The following CTDP1 variants were observed in gnomAD, a reference collection of about 807,000 sequenced individuals.
CTDP1 encodes the protein RNA polymerase II subunit A C-terminal domain phosphatase.
A neutral mutation model predicts 91.8 loss-of-function variants in CTDP1; 47 were observed. The ratio of observed to expected loss-of-function variants is 0.51; its 90% CI spans 0.41 to 0.65. The LOEUF is 0.65. Among genes scored for constraint, CTDP1 ranks in the 30% least tolerant of loss-of-function variants. The probability of loss-of-function intolerance (pLI) is 0.00; values close to 1 mark genes in which losing one functional copy is unlikely to be tolerated. For synonymous variants in CTDP1, 656 were observed against 598.5 expected, an observed-to-expected ratio of 1.10 and a Z score of -1.40; for missense variants, 1,272 against 1,373.7, an observed-to-expected ratio of 0.93 and a Z score of 1.17.
In CTDP1 at chr18:79,715,041, G is replaced by A. The variant is rs752663253; in HGVS notation, c.1581G>A (p.Glu527=). The A allele has an allele frequency of 1.9e-6, 3 of 1,608,466 alleles. No individual in the cohort carries two copies. Among genetic ancestry groups the A allele is most frequent in the African/African-American group, 2.7e-5 (2 of 74,916 alleles). The stretch of plus-strand genomic sequence containing the variant: ...CTGGCGCGCATGCCCCGGACAAGGA[G>A]CCTGAGCTGGGTGGGCAGGAGGAGG... ...AEPGAHAPDK[E]PELGGQEEGE... Residue 527 remains glutamate, a synonymous_variant, in exon 8 of 13, where the codon GAG becomes GAA. Coordinates refer to ENST00000613122, the MANE Select transcript of CTDP1 (RefSeq NM_004715.5).
intron 1 of CTDP1, among the ~76,000 whole-genome samples, chr18:79,683,487 C>G (rs1314038291): frequency 6.6e-6 from 1 of 152,180 alleles, no homozygotes; most frequent in East Asian, 1.9e-4. Flanking sequence ...TGGGCTTGTG[C>G]TGAAAGGAGG....
chr18:79,706,217 C>T (rs542325875), intron 5 of CTDP1, among the ~76,000 whole-genome samples: 25 of 152,300 alleles, frequency 1.6e-4, no homozygotes, highest in Non-Finnish European at 3.2e-4. Context: ...CGTGGTCGGA[C>T]GCCGGCCTCC....
chr18:79,724,761 C>T (rs1011647649), intron 10 of CTDP1, among the ~76,000 whole-genome samples: 1 of 152,232 alleles, frequency 6.6e-6, no homozygotes, highest in African/African-American at 2.4e-5. Context: ...AGTCCCAGAT[C>T]CCAGAGATTT....
chr18:79,735,558 C>A (rs1246574390), intron 11 of CTDP1: 2 of 152,544 alleles, frequency 1.3e-5, no homozygotes, highest in Admixed American at 6.5e-5. Context: ...TAAGTTCTTT[C>A]TGTGCGTCCT....
intron 6 of CTDP1, among the ~76,000 whole-genome samples, chr18:79,712,040 A>C (rs1221703931): frequency 2.1e-5 from 1 of 48,652 alleles, no homozygotes; most frequent in Non-Finnish European, 4.7e-5. Context: ...AACTAAGAAG[A>C]GAATCTGAAA....
chr18:79,721,217 G>A (rs756615273), intron 10 of CTDP1, among the ~76,000 whole-genome samples: 1 of 152,184 alleles, frequency 6.6e-6, no homozygotes, highest in Non-Finnish European at 1.5e-5. Flanking sequence ...GTCTCTTTCT[G>A]TAACACCAGG....
At chr18:79,732,344 C>G (rs2086583385) in intron 11 of CTDP1, among the ~76,000 whole-genome samples, 1 of 149,250 alleles carries the variant, frequency 6.7e-6, no homozygotes, top group African/African-American at 2.5e-5. Context: ...GGAGTGCTCC[C>G]AAAATCACGT....
intron 1 of CTDP1, chr18:79,683,187 C>G (rs1421515970): frequency 6.6e-6 from 1 of 152,164 alleles, no homozygotes. Flanking sequence ...CAGAATTGCA[C>G]GTGGGCTGTT....
chr18:79,726,612 T>C (rs949316727), intron 10 of CTDP1, among the ~76,000 whole-genome samples: 2 of 151,908 alleles, frequency 1.3e-5, no homozygotes, highest in Non-Finnish European at 1.5e-5. Flanking sequence ...TTTTTTTTTT[T>C]TGGGCCATGC....
At chr18:79,723,930 G>A (rs139281166) in intron 10 of CTDP1, among the ~76,000 whole-genome samples, 21 of 152,340 alleles carry the variant, frequency 1.4e-4, no homozygotes, top group Admixed American at 2.6e-4. Context: ...CCTCATTCAT[G>A]TCCTTCTCTT....
chr18:79,729,028 T>A lies in CTDP1; in HGVS notation c.2539T>A (p.Tyr847Asn), dbSNP rs1309935029. Residue 847 changes from tyrosine to asparagine, a missense_variant, in exon 11 of 13, where the codon TAC becomes AAC. Tyr to Asn is a moderately radical substitution (Grantham distance 143). Transcript: ENST00000613122. Reference protein sequence around the residue: ...QPSMSETMPLYTLCKEDLESM... With the variant: ...QPSMSETMPLNTLCKEDLESM... ...CAGTATGTCTGAGACAATGCCGCTG[T>A]ACACTCTTTGTAAGGAGGATTTAGA... 6.2e-7 allele frequency: 1 copy of A among 1,613,990 alleles called. No homozygotes were observed. Among genetic ancestry groups the A allele is most frequent in the Non-Finnish European group, 8.5e-7 (1 of 1,180,046 alleles).
chr18:79,721,010 C>T (rs1006734304), intron 10 of CTDP1, among the ~76,000 whole-genome samples: 15 of 152,156 alleles, frequency 9.9e-5, no homozygotes, highest in Admixed American at 2.0e-4. Flanking sequence ...AATGAGGGGG[C>T]GCCTGGGGCA....
intron 12 of CTDP1, among the ~76,000 whole-genome samples, chr18:79,748,150 AG>A (rs2086917734): frequency 6.6e-6 from 1 of 152,250 alleles, no homozygotes; most frequent in Non-Finnish European, 1.5e-5. Flanking sequence ...AAGTGAAGCT[AG>A]TATCAGTTGC....
At chr18:79,693,512 C>T (rs2085665914) in intron 1 of CTDP1, among the ~76,000 whole-genome samples, 1 of 152,080 alleles carries the variant, frequency 6.6e-6, no homozygotes, top group African/African-American at 2.4e-5. Context: ...TTTTGGATTT[C>T]TGGGTTTTTT....
At chr18:79,699,001 A>AC (rs1453000720) in intron 4 of CTDP1, among the ~76,000 whole-genome samples, 6 of 151,904 alleles carry the variant, frequency 3.9e-5, no homozygotes, top group South Asian at 4.2e-4. Flanking sequence ...AGCTGCACAG[A>AC]CCCCCCAGGT....
At chr18:79,689,073 C>T (rs1432544875) in intron 1 of CTDP1, among the ~76,000 whole-genome samples, 1 of 152,190 alleles carries the variant, frequency 6.6e-6, no homozygotes, top group Non-Finnish European at 1.5e-5. Flanking sequence ...TCTTACATAG[C>T]ACTAATAGTC....
chr18:79,694,661 G>A (rs907898569), intron 1 of CTDP1, among the ~76,000 whole-genome samples: 224 of 152,132 alleles, frequency 1.5e-3, no homozygotes, highest in African/African-American at 5.0e-3. Context: ...AGGGGCGGGC[G>A]CTGAGTGCCA....
intron 1 of CTDP1, among the ~76,000 whole-genome samples, chr18:79,683,935 C>T (rs545038): frequency 0.64 from 97,013 of 152,194 alleles, 31,160 homozygotes; most frequent in Middle Eastern, 0.71. Context: ...TGCCTACCCA[C>T]TGTTGTTCCT....
At chr18:79,740,989 G>T (rs112838261) in intron 12 of CTDP1, among the ~76,000 whole-genome samples, 1 of 152,066 alleles carries the variant, frequency 6.6e-6, no homozygotes, top group Middle Eastern at 3.4e-3. Context: ...GAGGTCCCCC[G>T]TGCGGTTGAT....
Sources: gnomAD v4.1 joint callset for allele counts (sites outside exome capture counted in the v4.1 genomes callset) on GRCh38, gnomAD v4.1.1 for gene constraint, MANE v1.5 for transcripts, NCBI Gene and HGNC (gene_info 2026-07-23, HGNC 2026-07-21) for gene names.